The following CEP112 variants were observed in gnomAD, a reference collection of about 807,000 sequenced individuals.
CEP112 encodes the protein centrosomal protein of 112 kDa.
A neutral mutation model predicts 153.0 loss-of-function variants in CEP112; 127 were observed. The observed-to-expected ratio is 0.83, with a 90% CI of 0.72 to 0.96. The LOEUF is 0.96. Ranked by LOEUF, CEP112 falls within the 40% of genes least tolerant of loss-of-function variation. CEP112 has a pLI of 0.00. For synonymous variants in CEP112, 358 were observed against 374.4 expected, an observed-to-expected ratio of 0.96 and a Z score of 0.51; for missense variants, 1,089 against 1,101.2, an observed-to-expected ratio of 0.99 and a Z score of 0.16.
At chr17:66,086,146 G>C (rs115514405) in intron 8 of CEP112, among the ~76,000 whole-genome samples, 2,440 of 152,018 alleles carry the variant, frequency 0.016, 67 homozygotes, top group African/African-American at 0.056. Flanking sequence ...ATACTTGAGA[G>C]CTAATATTTA....
chr17:66,166,646 C>T (rs1010378462), intron 4 of CEP112, among the ~76,000 whole-genome samples: 2 of 151,978 alleles, frequency 1.3e-5, no homozygotes, highest in African/African-American at 4.8e-5. Context: ...ACCTGTAATC[C>T]CAGCACTTTG....
chr17:65,650,505 T>C (rs9890305), intron 24 of CEP112, among the ~76,000 whole-genome samples: 35,743 of 151,920 alleles, frequency 0.24, 5,839 homozygotes, highest in East Asian at 0.46. Flanking sequence ...CAGCTGCCTC[T>C]GCTTGCTGCT....
chr17:65,933,699 G>A (rs2061206522), intron 18 of CEP112, among the ~76,000 whole-genome samples: 1 of 152,156 alleles, frequency 6.6e-6, no homozygotes, highest in South Asian at 2.1e-4. Context: ...ATGAAAAGGA[G>A]TTATTTAAGC....
At chr17:65,962,664 G>A (rs1401252021) in intron 17 of CEP112, among the ~76,000 whole-genome samples, 3 of 152,126 alleles carry the variant, frequency 2.0e-5, no homozygotes, top group African/African-American at 7.2e-5. Context: ...ACGTGTTGTG[G>A]GAGGGACCCA....
At chr17:65,651,065 A>G (rs1026308496) in intron 24 of CEP112, among the ~76,000 whole-genome samples, 1 of 151,926 alleles carries the variant, frequency 6.6e-6, no homozygotes, top group African/African-American at 2.4e-5. Flanking sequence ...AACCCAGTGT[A>G]TAGTCTTTTA....
chr17:66,178,344 T>C (rs2072575831), intron 2 of CEP112, among the ~76,000 whole-genome samples: 1 of 152,250 alleles, frequency 6.6e-6, no homozygotes, highest in African/African-American at 2.4e-5. Flanking sequence ...ACATGCCTGT[T>C]TGCCATTTGT....
chr17:65,776,834 A>G (rs1397440472), intron 21 of CEP112, among the ~76,000 whole-genome samples: 1 of 152,194 alleles, frequency 6.6e-6, no homozygotes, highest in Non-Finnish European at 1.5e-5. Flanking sequence ...ACACTCATAT[A>G]TATCATTGTC....
At chr17:66,082,043 A>G (rs1056108286) in intron 8 of CEP112, among the ~76,000 whole-genome samples, 2 of 152,212 alleles carry the variant, frequency 1.3e-5, no homozygotes, top group African/African-American at 4.8e-5. Context: ...TTATTTCACA[A>G]AAAGAGTAAT....
intron 21 of CEP112, among the ~76,000 whole-genome samples, chr17:65,790,733 G>A (rs1184345381): frequency 6.6e-6 from 1 of 152,208 alleles, no homozygotes; most frequent in African/African-American, 2.4e-5. Context: ...CCACCCAGGG[G>A]CCTTAGATTT....
intron 4 of CEP112, among the ~76,000 whole-genome samples, chr17:66,148,595 G>GT: frequency 6.6e-6 from 1 of 152,202 alleles, no homozygotes; most frequent in African/African-American, 2.4e-5. Flanking sequence ...TTATTCCTAA[G>GT]TAATTTATTC....
intron 20 of CEP112, among the ~76,000 whole-genome samples, chr17:65,881,987 T>A (rs906662940): frequency 6.6e-6 from 1 of 152,368 alleles, no homozygotes; most frequent in Middle Eastern, 3.4e-3. Flanking sequence ...ATGGGACTTT[T>A]GACTGTGTTC....
chr17:66,071,101 T>TA (rs1461958456), intron 8 of CEP112, among the ~76,000 whole-genome samples: 2 of 152,206 alleles, frequency 1.3e-5, no homozygotes, highest in African/African-American at 4.8e-5. Context: ...ATTTTTGAAA[T>TA]ACACTTTATA....
chr17:65,787,234 C>A (rs952199628), intron 21 of CEP112, among the ~76,000 whole-genome samples: 14 of 152,326 alleles, frequency 9.2e-5, no homozygotes, highest in African/African-American at 3.4e-4. Context: ...AATCTCAGCA[C>A]TTTGGGAAGC....
intron 16 of CEP112, among the ~76,000 whole-genome samples, chr17:66,021,713 C>T (rs1032838201): frequency 1.3e-5 from 2 of 152,084 alleles, no homozygotes; most frequent in Non-Finnish European, 2.9e-5. Flanking sequence ...ACCTCTAGAC[C>T]CCTGTCAGGG....
intron 16 of CEP112, among the ~76,000 whole-genome samples, chr17:66,025,299 G>C (rs1350676348): frequency 6.6e-6 from 1 of 152,004 alleles, no homozygotes; most frequent in East Asian, 1.9e-4. Flanking sequence ...TTTTAAAAAA[G>C]CTTCTAGAAA....
At chr17:65,642,190 G>A (rs1008262947) in intron 24 of CEP112, among the ~76,000 whole-genome samples, 13 of 152,148 alleles carry the variant, frequency 8.5e-5, no homozygotes, top group African/African-American at 3.1e-4. Context: ...TGTGAAATAG[G>A]ATAGAATTAA....
chr17:65,744,870 A>T (rs899753437), intron 22 of CEP112, among the ~76,000 whole-genome samples: 2 of 152,212 alleles, frequency 1.3e-5, no homozygotes, highest in African/African-American at 4.8e-5. Flanking sequence ...TGTTTCTTCT[A>T]ATAAAAGAAA....
At position 66,175,164 on chromosome 17, in the gene CEP112, T is replaced by C; in HGVS notation, c.350A>G (p.Glu117Gly). The C allele has an allele frequency of 6.2e-7, 1 of 1,612,642 alleles. No individual in the cohort carries two copies. Among genetic ancestry groups the C allele is most frequent in the Non-Finnish European group, 8.5e-7 (1 of 1,179,358 alleles). ...NPARAKGSSP[E>G]GLPAWVLGEL... The stretch of plus-strand genomic sequence containing the variant: ...ACCCAGTACCCAGGCTGGTAATCCC[T>C]CTGGGCTTGAACCTTTTGCTCGTGC... The change falls in exon 4 of 27, where the codon GAG (glutamate) becomes GGG (glycine). Residue 117 changes from glutamate (E) to glycine (G), a missense_variant. Glu to Gly is a moderately conservative substitution (Grantham distance 98, BLOSUM62 -2). Transcript: ENST00000535342.
intron 4 of CEP112, among the ~76,000 whole-genome samples, chr17:66,163,958 G>T (rs1477912332): frequency 6.6e-6 from 1 of 152,172 alleles, no homozygotes; most frequent in Non-Finnish European, 1.5e-5. Flanking sequence ...TTGTCAGAAA[G>T]CTGACTTACT....
Sources: gnomAD v4.1 joint callset for allele counts (sites outside exome capture counted in the v4.1 genomes callset) on GRCh38, gnomAD v4.1.1 for gene constraint, MANE v1.5 for transcripts, NCBI Gene and HGNC (gene_info 2026-07-23, HGNC 2026-07-21) for gene names.